Variants in CDK8 observed in about 807,000 individuals in gnomAD.
The protein encoded by CDK8 is cyclin dependent kinase 8.
In CDK8, 29 loss-of-function variants were observed where a neutral mutation model predicts 71.5. That is an observed-to-expected ratio of 0.41 (90% CI 0.30 to 0.55). The LOEUF is 0.55. Ranked by LOEUF, CDK8 falls within the 20% of genes least tolerant of loss-of-function variation. The pLI is 0.37. For synonymous variants in CDK8, 161 were observed against 192.1 expected, an observed-to-expected ratio of 0.84 and a Z score of 1.34; for missense variants, 288 against 572.6, an observed-to-expected ratio of 0.50 and a Z score of 5.07.
chr13:26,389,832 T>TA (rs754750634), intron 6 of CDK8, among the ~76,000 whole-genome samples: 14 of 152,020 alleles, frequency 9.2e-5, no homozygotes, highest in South Asian at 6.3e-4. Context: ...ACTCCGTCTC[T>TA]ACTAAAAATA....
intron 4 of CDK8, among the ~76,000 whole-genome samples, chr13:26,380,972 A>G (rs989554246): frequency 6.6e-6 from 1 of 152,072 alleles, no homozygotes; most frequent in Non-Finnish European, 1.5e-5. Flanking sequence ...GTCTTCTTGG[A>G]ATAATTTTCC....
chr13:26,265,774 G>A (rs1871993215), intron 1 of CDK8, among the ~76,000 whole-genome samples: 1 of 152,118 alleles, frequency 6.6e-6, no homozygotes, highest in Non-Finnish European at 1.5e-5. Flanking sequence ...AATCAAATTG[G>A]GGAAGTAAGC....
intron 1 of CDK8, among the ~76,000 whole-genome samples, chr13:26,308,868 C>G (rs1206443843): frequency 6.6e-6 from 1 of 152,192 alleles, no homozygotes; most frequent in Non-Finnish European, 1.5e-5. Flanking sequence ...TGAACACTTA[C>G]AGAGACAGTA....
At chr13:26,258,151 G>C (rs890896644) in intron 1 of CDK8, among the ~76,000 whole-genome samples, 1 of 152,064 alleles carries the variant, frequency 6.6e-6, no homozygotes, top group African/African-American at 2.4e-5. Context: ...GGCTTAGAAA[G>C]GTTAAGCAAA....
chr13:26,271,806 C>CTTTTT lies in CDK8; in HGVS notation c.128+17069_128+17073dup, dbSNP rs58160694. On this transcript the variant is annotated intron_variant, in intron 1 of 12. Coordinates refer to ENST00000381527, the MANE Select transcript of CDK8 (RefSeq NM_001260.3). ...CCTGGGGGACAGAGTGAGACCCTGTCTTTTTTTTTTTTTTTTTTTTTTTTT... is the reference window on the plus strand; with the variant it reads ...CCTGGGGGACAGAGTGAGACCCTGTCTTTTTTTTTTTTTTTTTTTTTTTTTTTTTT... Among the ~76,000 whole-genome samples the CTTTTT allele has an allele frequency of 1.9e-4, 12 of 62,670 alleles. 3 individuals are homozygous for CTTTTT. Among genetic ancestry groups the CTTTTT allele is most frequent in the Non-Finnish European group, 2.4e-4 (9 of 37,352 alleles). 41.1% of individuals were successfully genotyped at this position (62,670 alleles called of 152,430 possible).
At chr13:26,313,271 A>T (rs1443358194) in intron 1 of CDK8, among the ~76,000 whole-genome samples, 1 of 152,192 alleles carries the variant, frequency 6.6e-6, no homozygotes, top group African/African-American at 2.4e-5. Flanking sequence ...CTATGTGCTA[A>T]GTACTAAGAA....
At chr13:26,262,613 C>T (rs936303716) in intron 1 of CDK8, among the ~76,000 whole-genome samples, 4 of 152,038 alleles carry the variant, frequency 2.6e-5, no homozygotes, top group Non-Finnish European at 5.9e-5. Context: ...TTGGCTGAAT[C>T]GAAATGGAAG....
chr13:26,354,049 T>C (rs1210298051), intron 4 of CDK8, among the ~76,000 whole-genome samples, 169 bp downstream of exon 4: 3 of 152,216 alleles, frequency 2.0e-5, no homozygotes, highest in Non-Finnish European at 4.4e-5. Flanking sequence ...TAATGCCTCC[T>C]GCTTCTCTGA....
intron 1 of CDK8, among the ~76,000 whole-genome samples, chr13:26,289,093 TGGCCAGGCC>T (rs1363175574): frequency 7.9e-6 from 1 of 126,974 alleles, no homozygotes; most frequent in Non-Finnish European, 1.6e-5. Flanking sequence ...TCTTGCTCTG[TGGCCAGGCC>T]GGAATGCAGT....
intron 1 of CDK8, among the ~76,000 whole-genome samples, chr13:26,295,244 A>T (rs1252603643): frequency 6.6e-6 from 1 of 152,174 alleles, no homozygotes; most frequent in Non-Finnish European, 1.5e-5. Context: ...TCAGGTAGGG[A>T]ACAGGCTCTT....
At chr13:26,316,367 A>G (rs1874513088) in intron 1 of CDK8, among the ~76,000 whole-genome samples, 1 of 152,142 alleles carries the variant, frequency 6.6e-6, no homozygotes, top group Non-Finnish European at 1.5e-5. Flanking sequence ...CGCAACAACA[A>G]CAACAGTAAA....
At chr13:26,268,707 T>A (rs531461963) in intron 1 of CDK8, among the ~76,000 whole-genome samples, 2 of 152,294 alleles carry the variant, frequency 1.3e-5, no homozygotes, top group African/African-American at 4.8e-5. Context: ...TACAGTTATT[T>A]CATTATTTTT....
rs150802657 is a variant in CDK8, at chr13:26,345,558, T to G, written c.205-3514T>G. Among the ~76,000 whole-genome samples the G allele has an allele frequency of 4.4e-4, 67 of 152,194 alleles. No individual in the cohort carries two copies. In the East Asian group the frequency reaches 9.9e-3, roughly 22 times the overall value. ...CACCACGCCCAACAAATTTTTTGTA[T>G]TTTTAGTAGAGATGGGGTTTCACCA... On this transcript the variant is annotated intron_variant, in intron 2 of 12. Coordinates refer to ENST00000381527, the MANE Select transcript of CDK8 (RefSeq NM_001260.3).
intron 3 of CDK8, among the ~76,000 whole-genome samples, chr13:26,351,186 T>C (rs1202121972): frequency 6.6e-6 from 1 of 152,168 alleles, no homozygotes; most frequent in Non-Finnish European, 1.5e-5. Context: ...TGTGAACTGC[T>C]TTTTAAATGA....
intron 7 of CDK8, among the ~76,000 whole-genome samples, chr13:26,395,852 A>G (rs1875968551): frequency 6.6e-6 from 1 of 152,232 alleles, no homozygotes; most frequent in African/African-American, 2.4e-5. Context: ...AAAGAAGTAT[A>G]GTTTAAAGCC....
At chr13:26,389,071 GTTT>G (rs1875616803) in intron 6 of CDK8, among the ~76,000 whole-genome samples, 11 of 152,210 alleles carry the variant, frequency 7.2e-5, no homozygotes, top group Admixed American at 5.9e-4. Context: ...TCTGGGGTGT[GTTT>G]ACGCATTTAG....
chr13:26,350,101 G>T (rs7334021), intron 3 of CDK8, among the ~76,000 whole-genome samples: 6,377 of 152,180 alleles, frequency 0.042, 424 homozygotes, highest in African/African-American at 0.14. Flanking sequence ...TATCATCTAG[G>T]TTTGTGTAAG....
chr13:26,255,085 G>A (rs940875219), intron 1 of CDK8, among the ~76,000 whole-genome samples: 1 of 150,534 alleles, frequency 6.6e-6, no homozygotes, highest in African/African-American at 2.5e-5. Context: ...CGGGTTAAAT[G>A]TTTTTTGTTT....
rs188370906 is a variant in CDK8, at chr13:26,354,776, T to G, written c.456+896T>G. On this transcript the variant is annotated intron_variant, in intron 4 of 12. Coordinates refer to ENST00000381527, the MANE Select transcript of CDK8 (RefSeq NM_001260.3). Reference sequence around the variant, plus strand: ...CGTGGAAAAACTTCTTCCATGAAACTGGTCCCTGATGCCAAAAAGGTTGGG... The same window carrying G: ...CGTGGAAAAACTTCTTCCATGAAACGGGTCCCTGATGCCAAAAAGGTTGGG... 2.6e-5 allele frequency among the ~76,000 whole-genome samples: 4 copies of G among 152,332 alleles called. No homozygotes were observed. The East Asian group carries it at 7.7e-4, about 29-fold the overall frequency.
Sources: gnomAD v4.1 joint callset for allele counts (sites outside exome capture counted in the v4.1 genomes callset) on GRCh38, gnomAD v4.1.1 for gene constraint, MANE v1.5 for transcripts, NCBI Gene and HGNC (gene_info 2026-07-23, HGNC 2026-07-21) for gene names.